CHD2: variants seen among roughly 807,000 people sequenced by gnomAD.
The protein encoded by CHD2 is chromodomain helicase DNA binding protein 2.
In CHD2, 28 loss-of-function variants were observed where a neutral mutation model predicts 243.9. That is an observed-to-expected ratio of 0.11 (90% CI 0.09 to 0.16). The LOEUF is 0.16. Among genes scored for constraint, CHD2 ranks in the 10% least tolerant of loss-of-function variants. The pLI, the probability that CHD2 is intolerant of heterozygous loss-of-function variation, is 1.00. For synonymous variants in CHD2, 775 were observed against 779.0 expected, an observed-to-expected ratio of 0.99 and a Z score of 0.09; for missense variants, 1,386 against 2,209.8, an observed-to-expected ratio of 0.63 and a Z score of 7.47.
intron 2 of CHD2, among the ~76,000 whole-genome samples, chr15:92,912,380 G>A (rs921331065): frequency 5.9e-5 from 9 of 152,226 alleles, no homozygotes; most frequent in Admixed American, 6.5e-5. Flanking sequence ...ATCTTGAGGC[G>A]GAGTCTCGCT....
intron 23 of CHD2, 74 bp downstream of exon 23, chr15:92,980,985 A>T: frequency 1.0e-6 from 1 of 992,424 alleles, no homozygotes; most frequent in East Asian, 2.4e-5. Flanking sequence ...CTGTAAGAAG[A>T]TTCTGTTAGA....
rs189644384 is a variant in CHD2 at position 93,010,666 on chromosome 15, C to G, written c.4592+1343C>G. Among the ~76,000 whole-genome samples, 311 of 152,266 alleles carry G rather than the reference C, an allele frequency of 2.0e-3. 2 individuals carry two copies. The highest frequency in any genetic ancestry group is 0.014 in the Middle Eastern group (4 of 294). On this transcript the variant is annotated intron_variant, in intron 35 of 38. Transcript: ENST00000394196. ...CTCGAGCTCCTGACCTTAGGTGATC[C>G]GCCCGCCTTGACCTCCCGAAATGCT... is the stretch of plus-strand genomic sequence containing the variant.
At chr15:93,017,697 A>G (rs963759478) in intron 37 of CHD2, among the ~76,000 whole-genome samples, 14 of 151,956 alleles carry the variant, frequency 9.2e-5, no homozygotes, top group African/African-American at 2.9e-4. Context: ...GGCAGGATGT[A>G]ATTCTGCTAC....
intron 35 of CHD2, among the ~76,000 whole-genome samples, chr15:93,010,342 C>G (rs970918344): frequency 2.0e-5 from 3 of 151,990 alleles, no homozygotes; most frequent in Admixed American, 1.3e-4. Flanking sequence ...GGGTGGATAC[C>G]CAGTAGTGGG....
At chr15:92,962,588 A>G (rs905901641) in intron 16 of CHD2, among the ~76,000 whole-genome samples, 3 of 152,200 alleles carry the variant, frequency 2.0e-5, no homozygotes, top group African/African-American at 7.2e-5. Flanking sequence ...AGACTGTCCG[A>G]TAAGTGCTTG....
chr15:92,962,683 C>CT (rs529412425), intron 16 of CHD2, among the ~76,000 whole-genome samples: 241 of 152,154 alleles, frequency 1.6e-3, no homozygotes, highest in African/African-American at 5.4e-3. Context: ...TTGTTCAAGA[C>CT]TTTTATATCT....
rs28558199 is a variant in CHD2, at chr15:93,024,296, G to A, written c.5154-76G>A. The A allele has an allele frequency of 0.4, 521,384 of 1,315,698 alleles. 110,632 individuals are homozygous for A. Among genetic ancestry groups the A allele is most frequent in the East Asian group, 0.86 (37,199 of 43,118 alleles). The allele number at this position is 1,315,698 out of a possible 1,614,324, so 81.5% of individuals were successfully genotyped here. A position where few individuals can be genotyped will look rare whatever the true frequency, so the allele number is the denominator to read the frequency against. ...CTTGAATATGAGTATATGAGGAAGA[G>A]CCAAGTGGGTAGTGAAGAGAAGTGG... On this transcript the variant is annotated intron_variant, in intron 38 of 38. Transcript: ENST00000394196.
At position 92,990,716 on chromosome 15, in the gene CHD2, C is replaced by T. The variant is rs78738882; in HGVS notation, c.3414-760C>T. Among the ~76,000 whole-genome samples, 395 of 152,302 alleles carry T rather than the reference C, an allele frequency of 2.6e-3. 4 individuals are homozygous for T. Among genetic ancestry groups the T allele is most frequent in the African/African-American group, 9.0e-3 (376 of 41,554 alleles). ...CTCATTTCCATTTTTCCCTTAGCAT[C>T]TGTCCTTACATGGTTATATAACCCA... On this transcript the variant is annotated intron_variant, in intron 26 of 38. Transcript: ENST00000394196.
intron 5 of CHD2, among the ~76,000 whole-genome samples, chr15:92,933,408 C>G (rs1404875778): frequency 1.3e-5 from 2 of 152,138 alleles, no homozygotes; most frequent in Non-Finnish European, 2.9e-5. Flanking sequence ...GTTTGCAGTT[C>G]TCATCTGGCC....
chr15:92,948,785 G>A lies in CHD2; in HGVS notation c.1378-167G>A, dbSNP rs566989860. 2.0e-4 allele frequency among the ~76,000 whole-genome samples: 31 copies of A among 152,314 alleles called. No homozygotes were observed. The East Asian group carries it at 5.2e-3, about 26-fold the overall frequency. ...ACCCGGGAGGCAGAGCTTGCAGTGAGCCGAGATTGGGCCACTGCACTCCAG... is the reference window on the plus strand; with the variant it reads ...ACCCGGGAGGCAGAGCTTGCAGTGAACCGAGATTGGGCCACTGCACTCCAG... On this transcript the variant is annotated intron_variant, in intron 12 of 38. Coordinates refer to ENST00000394196, the MANE Select transcript of CHD2 (RefSeq NM_001271.4).
At chr15:92,979,308 T>C (rs749046340) in intron 22 of CHD2, 25 bp downstream of exon 22, 1 of 1,609,986 alleles carries the variant, frequency 6.2e-7, no homozygotes, top group Non-Finnish European at 8.5e-7. Flanking sequence ...GATTGGGAGG[T>C]AGGCAGAATC....
In CHD2 at chr15:92,901,274, A is replaced by T; in HGVS notation, c.37A>T (p.Ser13Cys). The change falls in exon 2 of 39, where the codon AGT (serine) becomes TGT (cysteine). Residue 13 changes from serine (S) to cysteine (C), a missense_variant. This residue lies in a region of CHD2 where 89 missense variants were observed against 102.4 expected (regional missense o/e 0.87). Transcript: ENST00000394196. ...RNKDKSQEED[S>C]SLHSNASSHS... Reference sequence around the variant, plus strand: ...TAAGGACAAAAGCCAAGAGGAGGACAGTTCGCTACACAGCAATGCATCGAG... The same window carrying T: ...TAAGGACAAAAGCCAAGAGGAGGACTGTTCGCTACACAGCAATGCATCGAG... 6.2e-7 allele frequency: 1 copy of T among 1,608,358 alleles called. No homozygotes were observed.
intron 2 of CHD2, chr15:92,901,519 C>G (rs1353373482): frequency 1.9e-5 from 11 of 576,958 alleles, no homozygotes; most frequent in African/African-American, 1.5e-4. Context: ...AGGCCTCTTA[C>G]AGCAGTCAAA....
In CHD2 at chr15:93,000,595, A is replaced by G; in HGVS notation, c.4092A>G (p.Ser1364=). 2 of 1,613,892 alleles carry G rather than the reference A, an allele frequency of 1.2e-6. No homozygotes were observed. The highest frequency in any genetic ancestry group is 2.2e-5 in the East Asian group (1 of 44,878). The change falls in exon 32 of 39, where the codon TCA becomes TCG. Residue 1364 remains serine (S), a synonymous_variant. Transcript: ENST00000394196. The part of the protein sequence containing the change: ...RLKEEHGIEL[S]SPRHSDNPSE... ...AAGAGGAGCATGGAATTGAGCTTTC[A>G]TCTCCTAGGCATTCAGATAATCCAT...
At chr15:93,006,917 T>C (rs1264163938) in intron 34 of CHD2, among the ~76,000 whole-genome samples, 3 of 152,260 alleles carry the variant, frequency 2.0e-5, no homozygotes, top group Non-Finnish European at 4.4e-5. Flanking sequence ...TTCTACAATT[T>C]ATTCTTCCAC....
rs1464142450 is a variant in CHD2, at chr15:92,945,804, A to T, written c.1154-17A>T. ...ATTGTGTTTATAACTTTTCTGTCTT[A>T]TTTTTTATTTGTTTAGCTGTGAAGA... On this transcript the variant is annotated splice_polypyrimidine_tract_variant and intron_variant, in intron 10 of 38. Transcript: ENST00000394196. The T allele has an allele frequency of 1.3e-6, 2 of 1,516,416 alleles. No individual in the cohort carries two copies. Among genetic ancestry groups the T allele is most frequent in the Non-Finnish European group, 1.8e-6 (2 of 1,120,308 alleles). The allele number at this position is 1,516,416 out of a possible 1,614,324, so 93.9% of individuals were successfully genotyped here.
At chr15:92,913,826 C>G (rs1430756781) in intron 2 of CHD2, among the ~76,000 whole-genome samples, 1 of 152,138 alleles carries the variant, frequency 6.6e-6, no homozygotes, top group Non-Finnish European at 1.5e-5. Flanking sequence ...GCACTCCATC[C>G]TGGGCAACTG....
intron 5 of CHD2, among the ~76,000 whole-genome samples, chr15:92,931,313 G>A (rs1335534800): frequency 6.6e-6 from 1 of 152,132 alleles, no homozygotes; most frequent in African/African-American, 2.4e-5. Context: ...GAATAAAAGT[G>A]CAGTACAAAG....
chr15:92,962,105 C>T (rs1596411353), intron 16 of CHD2, among the ~76,000 whole-genome samples: 1 of 151,948 alleles, frequency 6.6e-6, no homozygotes, highest in East Asian at 1.9e-4. Context: ...TGGTCTTGAA[C>T]TCCTGACCTT....
Sources: allele counts gnomAD v4.1 joint callset (sites outside exome capture counted in the v4.1 genomes callset), GRCh38; gene constraint gnomAD v4.1.1; regional missense constraint gnomAD v4.1.1; transcripts MANE v1.5; gene names NCBI Gene and HGNC (gene_info 2026-07-23, HGNC 2026-07-21).